ZBTB20: variants seen among roughly 807,000 people sequenced by gnomAD.
The protein encoded by ZBTB20 is zinc finger and BTB domain-containing protein 20.
Under a neutral mutation model 56.9 loss-of-function variants are expected in ZBTB20, and 9 were observed. The ratio of observed to expected loss-of-function variants is 0.16; its 90% CI spans 0.10 to 0.28. The LOEUF (loss-of-function observed/expected upper bound fraction) is 0.28. Among genes scored for constraint, ZBTB20 ranks in the 10% least tolerant of loss-of-function variants. The pLI, the probability that ZBTB20 is intolerant of heterozygous loss-of-function variation, is 1.00. For missense variants in ZBTB20, 655 were observed against 1,003.0 expected (o/e 0.65, Z 4.69); for synonymous variants, 417 against 420.7 (o/e 0.99, Z 0.11).
intron 7 of ZBTB20, among the ~76,000 whole-genome samples, chr3:114,392,088 A>C (rs1408684959): frequency 6.6e-6 from 1 of 152,236 alleles, no homozygotes; most frequent in Non-Finnish European, 1.5e-5. Context: ...AAAACAAGGA[A>C]GCAAAGTTTT....
At chr3:114,517,741 A>G (rs370762782) in intron 6 of ZBTB20, among the ~76,000 whole-genome samples, 14 of 151,982 alleles carry the variant, frequency 9.2e-5, no homozygotes, top group African/African-American at 3.4e-4. Flanking sequence ...ATGCCCGGCT[A>G]ATTTTTGTAT....
chr3:114,915,968 T>C (rs1341425625), intron 3 of ZBTB20, among the ~76,000 whole-genome samples: 1 of 152,002 alleles, frequency 6.6e-6, no homozygotes, highest in African/African-American at 2.4e-5. Flanking sequence ...GCTTGTTTTG[T>C]AGTCTTAGGT....
At chr3:114,478,191 C>T (rs1400610751) in intron 7 of ZBTB20, among the ~76,000 whole-genome samples, 1 of 152,108 alleles carries the variant, frequency 6.6e-6, no homozygotes, top group South Asian at 2.1e-4. Flanking sequence ...GTCTCGAACT[C>T]CTGACCTCAG....
At chr3:114,469,212 T>A (rs1339399428) in intron 7 of ZBTB20, among the ~76,000 whole-genome samples, 1 of 152,098 alleles carries the variant, frequency 6.6e-6, no homozygotes, top group Non-Finnish European at 1.5e-5. Context: ...TGTTTGGAAA[T>A]ATATTTCTAG....
chr3:115,095,944 A>C (rs563061360), intron 1 of ZBTB20, among the ~76,000 whole-genome samples: 1 of 152,330 alleles, frequency 6.6e-6, no homozygotes, highest in African/African-American at 2.4e-5. Context: ...GCAAAATGCT[A>C]GAATTTATTT....
At chr3:114,884,394 G>T (rs1421570262) in intron 4 of ZBTB20, among the ~76,000 whole-genome samples, 1 of 152,172 alleles carries the variant, frequency 6.6e-6, no homozygotes, top group South Asian at 2.1e-4. Flanking sequence ...TTTTTCAAAT[G>T]TTCACAGTAG....
intron 6 of ZBTB20, among the ~76,000 whole-genome samples, chr3:114,619,945 C>T (rs2058206115): frequency 6.6e-6 from 1 of 152,172 alleles, no homozygotes; most frequent in African/African-American, 2.4e-5. Flanking sequence ...GCCTGACCTC[C>T]ACGGATGTGG....
At chr3:114,613,100 C>A (rs1274269) in intron 6 of ZBTB20, among the ~76,000 whole-genome samples, 15,967 of 152,128 alleles carry the variant, frequency 0.1, 2,633 homozygotes, top group African/African-American at 0.36. Flanking sequence ...CAAAGGCATA[C>A]AAACATGGTT....
intron 4 of ZBTB20, among the ~76,000 whole-genome samples, chr3:114,802,638 G>T (rs2108846109): frequency 6.6e-6 from 1 of 151,832 alleles, no homozygotes; most frequent in South Asian, 2.1e-4. Context: ...TCCTTATAAG[G>T]CAGCAAAATA....
chr3:114,521,075 G>A (rs1054241162), intron 6 of ZBTB20, among the ~76,000 whole-genome samples: 3 of 151,994 alleles, frequency 2.0e-5, no homozygotes, highest in Admixed American at 6.6e-5. Context: ...AATTTTAAAA[G>A]CCTAGTTTTC....
chr3:115,032,022 G>A (rs1342389605), intron 2 of ZBTB20, among the ~76,000 whole-genome samples: 1 of 151,392 alleles, frequency 6.6e-6, no homozygotes, highest in Non-Finnish European at 1.5e-5. Context: ...CTTCCTTTGG[G>A]CTTTCAAGGG....
intron 4 of ZBTB20, among the ~76,000 whole-genome samples, chr3:114,829,242 A>G (rs1179194427): frequency 2.0e-5 from 3 of 151,916 alleles, no homozygotes; most frequent in Non-Finnish European, 4.4e-5. Context: ...AAATCACTCT[A>G]TGAAGAACTG....
chr3:114,583,263 TGAAAAATGTGAA>T, intron 6 of ZBTB20, among the ~76,000 whole-genome samples: 1 of 152,314 alleles, frequency 6.6e-6, no homozygotes, highest in African/African-American at 2.4e-5. Flanking sequence ...TACAGATGTT[TGAAAAATGTGAA>T]ACAGAGAAAT....
At chr3:115,119,594 TACAA>T (rs1331560720) in intron 1 of ZBTB20, among the ~76,000 whole-genome samples, 2 of 152,196 alleles carry the variant, frequency 1.3e-5, no homozygotes, top group Admixed American at 6.5e-5. Flanking sequence ...AATCCTACAG[TACAA>T]ACACTTAGTG....
At chr3:114,882,045 T>A (rs1560357127) in intron 4 of ZBTB20, among the ~76,000 whole-genome samples, 1 of 151,812 alleles carries the variant, frequency 6.6e-6, no homozygotes, top group Admixed American at 6.6e-5. Flanking sequence ...AAGAAATATG[T>A]CTAACACATA....
At chr3:114,536,581 T>C (rs2048486379) in intron 6 of ZBTB20, among the ~76,000 whole-genome samples, 1 of 152,148 alleles carries the variant, frequency 6.6e-6, no homozygotes, top group South Asian at 2.1e-4. Flanking sequence ...ATTTATAGAT[T>C]CAATGCTATC....
intron 7 of ZBTB20, among the ~76,000 whole-genome samples, chr3:114,492,466 G>A (rs1465646212): frequency 1.3e-5 from 2 of 152,052 alleles, no homozygotes; most frequent in Non-Finnish European, 2.9e-5. Context: ...AGGAGTCATT[G>A]TTGCCACTTC....
intron 6 of ZBTB20, among the ~76,000 whole-genome samples, chr3:114,646,288 G>A (rs1320811494): frequency 6.6e-6 from 1 of 151,964 alleles, no homozygotes; most frequent in Non-Finnish European, 1.5e-5. Flanking sequence ...AAACTTTTAT[G>A]TAGAGATGAA....
At chr3:114,518,266 G>C (rs532431058) in intron 6 of ZBTB20, among the ~76,000 whole-genome samples, 60 of 151,584 alleles carry the variant, frequency 4.0e-4, no homozygotes, top group Non-Finnish European at 7.4e-4. Flanking sequence ...AATATACTAA[G>C]AACACCAAGA....
Sources: gnomAD v4.1 joint callset for allele counts (sites outside exome capture counted in the v4.1 genomes callset) on GRCh38, gnomAD v4.1.1 for gene constraint, MANE v1.5 for transcripts, NCBI Gene and HGNC (gene_info 2026-07-23, HGNC 2026-07-21) for gene names.